CDH4: variants seen among roughly 807,000 people sequenced by gnomAD.
The protein encoded by CDH4 is cadherin-4.
Under a neutral mutation model 86.0 loss-of-function variants are expected in CDH4, and 33 were observed. The ratio of observed to expected loss-of-function variants is 0.38; its 90% CI spans 0.29 to 0.51. CDH4 has a LOEUF of 0.51. Among genes scored for constraint, CDH4 ranks in the 20% least tolerant of loss-of-function variants. The pLI, the probability that CDH4 is intolerant of heterozygous loss-of-function variation, is 0.86. For missense variants in CDH4, 1,114 were observed against 1,307.4 expected, an observed-to-expected ratio of 0.85 and a Z score of 2.28; for synonymous variants, 555 against 549.4, an observed-to-expected ratio of 1.01 and a Z score of -0.14.
At chr20:61,530,772 A>AAC (rs1307569467) in intron 2 of CDH4, among the ~76,000 whole-genome samples, 21 of 152,058 alleles carry the variant, frequency 1.4e-4, no homozygotes, top group Admixed American at 2.0e-4. Flanking sequence ...CGCACAACAG[A>AAC]ACGAGTGAGG....
chr20:61,273,347 C>T, intron 2 of CDH4, among the ~76,000 whole-genome samples: 1 of 123,004 alleles, frequency 8.1e-6, no homozygotes, highest in Non-Finnish European at 1.6e-5. Context: ...GTACCTTGTG[C>T]AGTTTGGGGG....
chr20:61,335,780 A>C (rs115464924), intron 2 of CDH4, among the ~76,000 whole-genome samples: 56 of 151,858 alleles, frequency 3.7e-4, no homozygotes, highest in African/African-American at 1.3e-3. Flanking sequence ...CTATTTGTGT[A>C]AAGGGGCTAG....
rs1382468045 is a variant in CDH4 at position 61,317,104 on chromosome 20, T to G, written c.169+62167T>G. ...TGTTCAAATATATTTCCTGGCCAGG[T>G]GCGGTGGCTCATGCCTGTGATCCCG... is the stretch of plus-strand genomic sequence containing the variant. On this transcript the variant is annotated intron_variant, in intron 2 of 15. Coordinates refer to ENST00000614565, the MANE Select transcript of CDH4 (RefSeq NM_001794.5). Among the ~76,000 whole-genome samples the G allele has an allele frequency of 3.9e-5, 6 of 151,932 alleles. No homozygotes were observed. In the East Asian group the frequency reaches 1.2e-3, roughly 29 times the overall value.
At chr20:61,453,349 G>A (rs375831867) in intron 2 of CDH4, among the ~76,000 whole-genome samples, 159 of 152,284 alleles carry the variant, frequency 1.0e-3, no homozygotes, top group Middle Eastern at 0.01. Context: ...CCTGTGGGGC[G>A]GCCCAGCAGA....
intron 2 of CDH4, among the ~76,000 whole-genome samples, chr20:61,459,695 C>T (rs2085431061): frequency 6.6e-6 from 1 of 151,706 alleles, no homozygotes; most frequent in Non-Finnish European, 1.5e-5. Context: ...CTGTGAAGAA[C>T]AACACAGTGA....
At chr20:61,898,768 G>T (rs1010717697) in intron 8 of CDH4, among the ~76,000 whole-genome samples, 1 of 152,150 alleles carries the variant, frequency 6.6e-6, no homozygotes, top group Non-Finnish European at 1.5e-5. Context: ...TCAAGGTGTC[G>T]TCGGGAGCAC....
Position 61,829,336 on chromosome 20 carries a change from C to T in CDH4, c.577-15332C>T, listed in dbSNP as rs1981480628. On this transcript the variant is annotated intron_variant, in intron 4 of 15. Coordinates refer to ENST00000614565, the MANE Select transcript of CDH4 (RefSeq NM_001794.5). The surrounding 1 kb of genome is among the most constrained non-coding windows in gnomAD (Gnocchi z 4.2). Reference sequence around the variant, plus strand: ...AGCCATGCTGCAGCTCGTATCAGAACCTAGTTCCTTTCAGGGCCAAATAAC... The same window carrying T: ...AGCCATGCTGCAGCTCGTATCAGAATCTAGTTCCTTTCAGGGCCAAATAAC... Among the ~76,000 whole-genome samples, 1 of 152,238 alleles carries T rather than the reference C, an allele frequency of 6.6e-6. No homozygotes were observed. Among genetic ancestry groups the T allele is most frequent in the Non-Finnish European group, 1.5e-5 (1 of 68,044 alleles).
intron 2 of CDH4, among the ~76,000 whole-genome samples, chr20:61,704,026 G>A (rs2087804356): frequency 6.6e-6 from 1 of 151,888 alleles, no homozygotes; most frequent in African/African-American, 2.4e-5. Flanking sequence ...GTGGGTCCCT[G>A]GCTCGAGCCA....
In CDH4 at chr20:61,937,065, C is replaced by T; in HGVS notation, c.*122C>T. 2.7e-6 allele frequency: 2 copies of T among 746,004 alleles called. No individual in the cohort carries two copies. Among genetic ancestry groups the T allele is most frequent in the South Asian group, 2.4e-5 (1 of 41,022 alleles). 46.2% of individuals were successfully genotyped at this position (746,004 alleles called of 1,614,324 possible). A position where few individuals can be genotyped will look rare whatever the true frequency, so the allele number is the denominator to read the frequency against. ...TGTGTCCTTAGTGCTGTTAGGAGGC[C>T]CCCCAATCCCCACGTTGAGCTGTCT... On this transcript the variant is annotated 3_prime_UTR_variant, in exon 16 of 16. Transcript: ENST00000614565.
At chr20:61,634,585 C>T (rs1051257684) in intron 2 of CDH4, among the ~76,000 whole-genome samples, 9 of 152,364 alleles carry the variant, frequency 5.9e-5, no homozygotes, top group Middle Eastern at 6.8e-3. Context: ...CTGTGCCCAT[C>T]GCAGCAATGT....
intron 2 of CDH4, among the ~76,000 whole-genome samples, chr20:61,426,828 G>A (rs1198597809): frequency 6.6e-6 from 1 of 152,228 alleles, no homozygotes; most frequent in Non-Finnish European, 1.5e-5. Flanking sequence ...ATATGCAGAA[G>A]TGTGTTCAGA....
chr20:61,773,333 C>A, intron 4 of CDH4, 151 bp downstream of exon 4: 1 of 749,928 alleles, frequency 1.3e-6, no homozygotes, highest in Non-Finnish European at 2.0e-6. Context: ...CCTTACACAG[C>A]GCGATGAAAA....
chr20:61,257,898 C>T (rs1043581205), intron 2 of CDH4, among the ~76,000 whole-genome samples: 1 of 152,148 alleles, frequency 6.6e-6, no homozygotes, highest in Admixed American at 6.5e-5. Flanking sequence ...TAGTGGGAAC[C>T]GAGGGCTCCC....
At chr20:61,451,670 G>A (rs2085381570) in intron 2 of CDH4, among the ~76,000 whole-genome samples, 1 of 152,092 alleles carries the variant, frequency 6.6e-6, no homozygotes, top group African/African-American at 2.4e-5. Context: ...TAGAAGGTGG[G>A]AGGGAGGAGG....
At chr20:61,298,112 A>G (rs2427049) in intron 2 of CDH4, among the ~76,000 whole-genome samples, 140,108 of 151,944 alleles carry the variant, frequency 0.92, 65,247 homozygotes, top group Non-Finnish European at 0.99. Context: ...GCAGCCTGTT[A>G]CTGGTGCTTG....
intron 2 of CDH4, among the ~76,000 whole-genome samples, chr20:61,538,292 C>T (rs1387747274): frequency 6.6e-6 from 1 of 152,208 alleles, no homozygotes; most frequent in African/African-American, 2.4e-5. Context: ...GTGCCCGTCA[C>T]TCTGGGAGAA....
In CDH4 at chr20:61,544,755, G is replaced by A. The variant is rs143453071; in HGVS notation, c.170-198808G>A. On this transcript the variant is annotated intron_variant, in intron 2 of 15. Coordinates refer to ENST00000614565, the MANE Select transcript of CDH4 (RefSeq NM_001794.5). The surrounding 1 kb of genome is among the most constrained non-coding windows in gnomAD (Gnocchi z 6.5). ...AGTTGTAAAACCACCTGAATGAATT[G>A]GCTTGGTCCATGGACTGGAAGCCTG... 5.1e-3 allele frequency among the ~76,000 whole-genome samples: 771 copies of A among 152,162 alleles called. 4 individuals carry two copies. Among genetic ancestry groups the A allele is most frequent in the Middle Eastern group, 0.017 (5 of 294 alleles).
chr20:61,272,917 G>T (rs1409953800), intron 2 of CDH4, among the ~76,000 whole-genome samples: 1 of 141,028 alleles, frequency 7.1e-6, no homozygotes, highest in Admixed American at 7.1e-5. Flanking sequence ...AGTACCGTGT[G>T]CAGTTTGGGG....
intron 2 of CDH4, among the ~76,000 whole-genome samples, chr20:61,439,390 A>C (rs1328206603): frequency 1.3e-5 from 2 of 152,040 alleles, no homozygotes; most frequent in Non-Finnish European, 2.9e-5. Context: ...CCGGACTTGG[A>C]GTTTCTCATG....
Sources: gnomAD v4.1 joint callset for allele counts (sites outside exome capture counted in the v4.1 genomes callset) on GRCh38, gnomAD v4.1.1 for gene constraint, Gnocchi (gnomAD v3.1) non-coding constraint, MANE v1.5 for transcripts, NCBI Gene and HGNC (gene_info 2026-07-23, HGNC 2026-07-21) for gene names.